Variants in MAP3K7 observed in about 807,000 individuals in gnomAD.
MAP3K7 encodes the protein TGF-beta activated kinase 1.
A neutral mutation model predicts 84.8 loss-of-function variants in MAP3K7; 21 were observed. That is an observed-to-expected ratio of 0.25 (90% confidence interval 0.18 to 0.36). The LOEUF is 0.36. Among genes scored for constraint, MAP3K7 ranks in the 10% least tolerant of loss-of-function variants. The pLI is 1.00. For synonymous variants in MAP3K7, 241 were observed against 247.7 expected (o/e 0.97, Z 0.25); for missense variants, 503 against 747.7 (o/e 0.67, Z 3.82).
intron 3 of MAP3K7, among the ~76,000 whole-genome samples, chr6:90,562,233 A>G (rs963871852): frequency 6.6e-6 from 1 of 152,184 alleles, no homozygotes; most frequent in Non-Finnish European, 1.5e-5. Flanking sequence ...CTTGTCAGAC[A>G]GTGGGTGCAG....
At chr6:90,535,302 A>G (rs1388309517) in intron 13 of MAP3K7, among the ~76,000 whole-genome samples, 2 of 151,906 alleles carry the variant, frequency 1.3e-5, no homozygotes, top group African/African-American at 2.4e-5. Context: ...TATAATAATA[A>G]AATACCTTTT....
At chr6:90,578,717 T>C (rs1367849444) in intron 1 of MAP3K7, among the ~76,000 whole-genome samples, 1 of 152,174 alleles carries the variant, frequency 6.6e-6, no homozygotes, top group Non-Finnish European at 1.5e-5. Context: ...ATTCTGATAT[T>C]AGCTCTCTAA....
chr6:90,549,607 C>A (rs1262125272), intron 9 of MAP3K7, among the ~76,000 whole-genome samples: 1 of 152,078 alleles, frequency 6.6e-6, no homozygotes. Context: ...CCTAAGAGGA[C>A]TGAGGACCAG....
At chr6:90,550,722 C>T (rs1377091874) in intron 8 of MAP3K7, 173 bp from the exon 9 acceptor site, 4 of 486,904 alleles carry the variant, frequency 8.2e-6, no homozygotes, top group Non-Finnish European at 1.5e-5. Context: ...ATGCCATGCA[C>T]CTACCTAAGA....
At chr6:90,570,379 C>T (rs868683292) in intron 2 of MAP3K7, among the ~76,000 whole-genome samples, 2 of 152,112 alleles carry the variant, frequency 1.3e-5, no homozygotes, top group South Asian at 2.1e-4. Context: ...GAATGAGGTA[C>T]CTATGCAAAT....
Position 90,586,839 on chromosome 6 carries a change from G to T in MAP3K7, c.45C>A (p.Ala15=), listed in dbSNP as rs201710994. The T allele has an allele frequency of 6.2e-7, 1 of 1,611,038 alleles. No individual in the cohort carries two copies. The highest frequency in any genetic ancestry group is 8.5e-7 in the Non-Finnish European group (1 of 1,178,602). The change falls in exon 1 of 17, where the codon GCC becomes GCA. Residue 15 remains alanine (A), a synonymous_variant. Coordinates refer to ENST00000369329, the MANE Select transcript of MAP3K7 (RefSeq NM_145331.3). ...GGGAAGGGGCTTCGATCATCTCACCGGCCGAAGACGAGGAGGAGGAGGAGG... is the reference window on the plus strand; with the variant it reads ...GGGAAGGGGCTTCGATCATCTCACCTGCCGAAGACGAGGAGGAGGAGGAGG... ...SAASSSSSSS[A]GEMIEAPSQV...
At chr6:90,564,133 A>G (rs541170850) in intron 3 of MAP3K7, among the ~76,000 whole-genome samples, 71 of 152,340 alleles carry the variant, frequency 4.7e-4, no homozygotes, top group African/African-American at 1.6e-3. Flanking sequence ...TGTAAAGACC[A>G]TTGATGCCAG....
At chr6:90,562,943 G>A (rs1426394898) in intron 3 of MAP3K7, among the ~76,000 whole-genome samples, 1 of 152,214 alleles carries the variant, frequency 6.6e-6, no homozygotes, top group Non-Finnish European at 1.5e-5. Flanking sequence ...AGCCTCTGCT[G>A]ATGATACCCA....
chr6:90,580,766 A>G (rs1305120306), intron 1 of MAP3K7, among the ~76,000 whole-genome samples: 1 of 152,264 alleles, frequency 6.6e-6, no homozygotes, highest in Admixed American at 6.5e-5. Flanking sequence ...GATATTCTTC[A>G]TAATCCTTCA....
intron 13 of MAP3K7, among the ~76,000 whole-genome samples, chr6:90,531,255 A>G (rs904905130): frequency 5.3e-5 from 8 of 152,160 alleles, no homozygotes; most frequent in Admixed American, 5.2e-4. Flanking sequence ...TCTTACCTGA[A>G]AGACTGGGAA....
intron 1 of MAP3K7, among the ~76,000 whole-genome samples, chr6:90,577,486 C>A (rs1777125580): frequency 7.6e-6 from 1 of 131,170 alleles, no homozygotes. Flanking sequence ...GAAGAGGTAA[C>A]CAAAAATAAT....
chr6:90,586,740 G>A, intron 1 of MAP3K7, 24 bp downstream of exon 1: 1 of 1,562,642 alleles, frequency 6.4e-7, no homozygotes, highest in Non-Finnish European at 8.7e-7. Flanking sequence ...CGGGACCGGC[G>A]TCTCCATGCC....
chr6:90,570,781 A>C (rs1308531323), intron 2 of MAP3K7, among the ~76,000 whole-genome samples: 4 of 152,212 alleles, frequency 2.6e-5, no homozygotes, highest in South Asian at 2.1e-4. Flanking sequence ...AGCTTTGTGA[A>C]ACTGCTAATG....
intron 9 of MAP3K7, 107 bp from the exon 10 acceptor site, chr6:90,548,284 A>C: frequency 1.1e-6 from 1 of 936,748 alleles, no homozygotes; most frequent in Non-Finnish European, 1.6e-6. Context: ...GCAGGAACAG[A>C]AATAAAATAA....
At chr6:90,563,597 G>A (rs1776597072) in intron 3 of MAP3K7, among the ~76,000 whole-genome samples, 1 of 152,206 alleles carries the variant, frequency 6.6e-6, no homozygotes, top group Non-Finnish European at 1.5e-5. Context: ...CATCTCATTA[G>A]TGTACCTGAA....
At chr6:90,535,115 T>C (rs1468313547) in intron 13 of MAP3K7, among the ~76,000 whole-genome samples, 4 of 151,916 alleles carry the variant, frequency 2.6e-5, no homozygotes, top group Admixed American at 2.6e-4. Flanking sequence ...TTTATTTATA[T>C]ATGTGTTTAT....
chr6:90,585,618 C>CTTTTTTTTTTTTTTTTTTTTTT (rs1562116546), intron 1 of MAP3K7, among the ~76,000 whole-genome samples: 24 of 150,454 alleles, frequency 1.6e-4, no homozygotes, highest in African/African-American at 5.8e-4. Flanking sequence ...GCAGTTTTTA[C>CTTTTTTTTTTTTTTTTTTTTTT]TTTTCTAAAT....
At chr6:90,531,778 C>A (rs1775513365) in intron 13 of MAP3K7, among the ~76,000 whole-genome samples, 1 of 151,768 alleles carries the variant, frequency 6.6e-6, no homozygotes, top group Non-Finnish European at 1.5e-5. Flanking sequence ...CAGGGTGAAA[C>A]CCTGCCTCCA....
At chr6:90,518,773 T>A (rs1292931052) in intron 15 of MAP3K7, among the ~76,000 whole-genome samples, 1 of 151,864 alleles carries the variant, frequency 6.6e-6, no homozygotes, top group Middle Eastern at 3.2e-3. Flanking sequence ...TTTAACAGTC[T>A]GTTACAGAGA....
Sources: allele counts gnomAD v4.1 joint callset (sites outside exome capture counted in the v4.1 genomes callset), GRCh38; gene constraint gnomAD v4.1.1; transcripts MANE v1.5; gene names NCBI Gene and HGNC (gene_info 2026-07-23, HGNC 2026-07-21).